GRIN2A: variants seen among roughly 807,000 people sequenced by gnomAD.
GRIN2A encodes glutamate ionotropic receptor NMDA type subunit 2A.
Under a neutral mutation model 113.4 loss-of-function variants are expected in GRIN2A, and 22 were observed. The ratio of observed to expected loss-of-function variants is 0.19; its 90% CI spans 0.14 to 0.28. GRIN2A has a LOEUF of 0.28. Ranked by LOEUF, GRIN2A falls within the 10% of genes least tolerant of loss-of-function variation. The pLI is 1.00. For missense variants in GRIN2A, 1,502 were observed against 1,887.0 expected (o/e 0.80, Z 3.78); for synonymous variants, 827 against 738.4 (o/e 1.12, Z -1.94).
chr16:10,034,535 C>CAAAAA lies in GRIN2A; in HGVS notation c.415-95989_415-95985dup, dbSNP rs58076569. 2.5e-3 allele frequency among the ~76,000 whole-genome samples: 91 copies of CAAAAA among 36,424 alleles called. 4 individuals carry two copies. Among genetic ancestry groups the CAAAAA allele is most frequent in the African/African-American group, 6.8e-3 (61 of 8,982 alleles). The allele number at this position is 36,424 out of a possible 152,430, so 23.9% of individuals were successfully genotyped here. On this transcript the variant is annotated intron_variant, in intron 2 of 12. Transcript: ENST00000330684. ...AGTGAGACCCCACGTCAAAAAAAAG[C>CAAAAA]AAAAAAAAAAAAAAAAAAAAAAAAA...
intron 2 of GRIN2A, among the ~76,000 whole-genome samples, chr16:10,120,512 T>A (rs1259999172): frequency 6.6e-6 from 1 of 152,146 alleles, no homozygotes; most frequent in East Asian, 1.9e-4. Flanking sequence ...TCCTCATTCA[T>A]GAAACAGTTT....
At chr16:9,922,681 C>A (rs1230688816) in intron 3 of GRIN2A, among the ~76,000 whole-genome samples, 1 of 152,138 alleles carries the variant, frequency 6.6e-6, no homozygotes, top group East Asian at 1.9e-4. Context: ...AACAGTTTCC[C>A]AAAGAGGCTT....
intron 2 of GRIN2A, among the ~76,000 whole-genome samples, chr16:10,065,071 A>C (rs2047622149): frequency 6.6e-6 from 1 of 152,250 alleles, no homozygotes; most frequent in Non-Finnish European, 1.5e-5. Flanking sequence ...GTCTGGTGAT[A>C]ACATAGACTC....
chr16:9,974,290 G>A (rs1181822856), intron 2 of GRIN2A, among the ~76,000 whole-genome samples: 1 of 152,136 alleles, frequency 6.6e-6, no homozygotes, highest in Admixed American at 6.5e-5. Flanking sequence ...CCCGAAATCA[G>A]GCCTGGGCCT....
At chr16:9,897,600 T>C (rs2043832668) in intron 3 of GRIN2A, among the ~76,000 whole-genome samples, 2 of 152,088 alleles carry the variant, frequency 1.3e-5, no homozygotes, top group South Asian at 2.1e-4. Flanking sequence ...TTCAAAAGAG[T>C]AAAAGGTCTC....
intron 2 of GRIN2A, among the ~76,000 whole-genome samples, chr16:10,016,410 A>G (rs956605001): frequency 6.6e-6 from 1 of 152,098 alleles, no homozygotes; most frequent in Non-Finnish European, 1.5e-5. Flanking sequence ...CCACACATGC[A>G]TGGGAAAGAA....
intron 2 of GRIN2A, chr16:10,112,270 A>T (rs113366903): frequency 0.029 from 18,449 of 640,512 alleles, 740 homozygotes; most frequent in African/African-American, 0.15. Context: ...CTCCACCTCC[A>T]GGTGATTGGG....
At chr16:9,837,584 C>T (rs1394721102) in intron 7 of GRIN2A, among the ~76,000 whole-genome samples, 1 of 152,088 alleles carries the variant, frequency 6.6e-6, no homozygotes, top group African/African-American at 2.4e-5. Flanking sequence ...CAATTTCTTT[C>T]CATTTTGATC....
chr16:10,132,150 A>G (rs769856594), intron 2 of GRIN2A, among the ~76,000 whole-genome samples: 1 of 151,870 alleles, frequency 6.6e-6, no homozygotes, highest in Non-Finnish European at 1.5e-5. Context: ...TGGCCAACAT[A>G]GTGAAATCCC....
intron 3 of GRIN2A, among the ~76,000 whole-genome samples, chr16:9,918,676 C>A (rs2044301577): frequency 6.6e-6 from 1 of 152,128 alleles, no homozygotes; most frequent in South Asian, 2.1e-4. Context: ...AAGTGTTTCT[C>A]AAATTCTTAC....
intron 11 of GRIN2A, among the ~76,000 whole-genome samples, chr16:9,779,260 T>C (rs971035): frequency 0.22 from 33,496 of 152,210 alleles, 4,183 homozygotes; most frequent in East Asian, 0.53. Flanking sequence ...CTCTTGTAAC[T>C]CCAAGGTAAC....
intron 2 of GRIN2A, among the ~76,000 whole-genome samples, chr16:9,969,620 C>T (rs2045631328): frequency 6.6e-6 from 1 of 152,148 alleles, no homozygotes; most frequent in Non-Finnish European, 1.5e-5. Context: ...CTCAGTGATA[C>T]CTCAATCCAC....
chr16:10,145,634 A>G (rs985324600), intron 2 of GRIN2A, among the ~76,000 whole-genome samples: 1 of 152,226 alleles, frequency 6.6e-6, no homozygotes, highest in African/African-American at 2.4e-5. Flanking sequence ...TCTGAAACTG[A>G]GTCAATTTAA....
At chr16:10,110,616 C>G (rs1257510852) in intron 2 of GRIN2A, among the ~76,000 whole-genome samples, 5 of 152,294 alleles carry the variant, frequency 3.3e-5, no homozygotes, top group Non-Finnish European at 7.4e-5. Context: ...AAAGATAAAA[C>G]CAACAGGATT....
At chr16:9,906,484 A>G (rs1315663973) in intron 3 of GRIN2A, among the ~76,000 whole-genome samples, 1 of 152,236 alleles carries the variant, frequency 6.6e-6, no homozygotes, top group Non-Finnish European at 1.5e-5. Flanking sequence ...CTCTGGCCAC[A>G]GAGATTGGTT....
chr16:9,874,451 T>C (rs762403231), intron 4 of GRIN2A, among the ~76,000 whole-genome samples: 23 of 152,156 alleles, frequency 1.5e-4, no homozygotes, highest in Non-Finnish European at 2.6e-4. Flanking sequence ...GAAACAGACA[T>C]GTGGTTCAGC....
At chr16:10,018,208 G>A (rs2046645583) in intron 2 of GRIN2A, among the ~76,000 whole-genome samples, 2 of 152,216 alleles carry the variant, frequency 1.3e-5, no homozygotes, top group South Asian at 4.1e-4. Context: ...AGGCAAAGCA[G>A]ATGCACGTGG....
intron 2 of GRIN2A, among the ~76,000 whole-genome samples, chr16:10,007,061 G>T (rs1383409761): frequency 6.6e-6 from 1 of 152,172 alleles, no homozygotes; most frequent in African/African-American, 2.4e-5. Flanking sequence ...GCTTCCAAAT[G>T]TTGGCTATTA....
At chr16:10,015,119 T>G (rs1260176911) in intron 2 of GRIN2A, among the ~76,000 whole-genome samples, 1 of 151,434 alleles carries the variant, frequency 6.6e-6, no homozygotes, top group African/African-American at 2.4e-5. Flanking sequence ...CTGGGCATGG[T>G]GGCACATGCC....
Sources: gnomAD v4.1 joint callset for allele counts (sites outside exome capture counted in the v4.1 genomes callset) on GRCh38, gnomAD v4.1.1 for gene constraint, MANE v1.5 for transcripts, NCBI Gene and HGNC (gene_info 2026-07-23, HGNC 2026-07-21) for gene names.